Variants in GRIA4 observed in about 807,000 individuals in gnomAD.
GRIA4 encodes the protein glutamate receptor 4.
GRIA4 carries 34 observed loss-of-function variants against 104.0 expected under a neutral mutation model. That is an observed-to-expected ratio of 0.33 (90% CI 0.25 to 0.44). The LOEUF (loss-of-function observed/expected upper bound fraction) is 0.44, where lower values mean the gene tolerates loss of function less well. GRIA4 is among the 20% of genes least tolerant of loss of function. The probability of loss-of-function intolerance (pLI) is 1.00; values close to 1 mark genes in which losing one functional copy is unlikely to be tolerated. For synonymous variants in GRIA4, 386 were observed against 381.9 expected, an observed-to-expected ratio of 1.01 and a Z score of -0.13; for missense variants, 750 against 1,096.5, an observed-to-expected ratio of 0.68 and a Z score of 4.46.
At chr11:105,649,976 A>G (rs1267628336) in intron 3 of GRIA4, among the ~76,000 whole-genome samples, 1 of 152,174 alleles carries the variant, frequency 6.6e-6, no homozygotes, top group Non-Finnish European at 1.5e-5. Flanking sequence ...CTAAGAAAAT[A>G]GCTTTGAGAG....
intron 4 of GRIA4, among the ~76,000 whole-genome samples, chr11:105,832,973 C>T (rs911718878): frequency 2.4e-4 from 37 of 151,980 alleles, no homozygotes; most frequent in African/African-American, 8.5e-4. Flanking sequence ...AAACAGCTCT[C>T]GTTATCTTTT....
chr11:105,935,607 G>A (rs1033320869), intron 14 of GRIA4, among the ~76,000 whole-genome samples: 7 of 152,120 alleles, frequency 4.6e-5, no homozygotes, highest in African/African-American at 1.7e-4. Context: ...AAAATGCAAT[G>A]GTGATTGATA....
At chr11:105,808,576 C>T (rs886591775) in intron 4 of GRIA4, among the ~76,000 whole-genome samples, 1 of 151,978 alleles carries the variant, frequency 6.6e-6, no homozygotes, top group African/African-American at 2.4e-5. Context: ...AATCCTCTTT[C>T]CCAAAAGTTG....
At chr11:105,782,251 C>A (rs979013982) in intron 4 of GRIA4, among the ~76,000 whole-genome samples, 1 of 152,148 alleles carries the variant, frequency 6.6e-6, no homozygotes, top group African/African-American at 2.4e-5. Context: ...TCAGTGTTAA[C>A]TTTTTAATGA....
At chr11:105,916,180 C>A (rs1947399069) in intron 10 of GRIA4, among the ~76,000 whole-genome samples, 2 of 152,106 alleles carry the variant, frequency 1.3e-5, no homozygotes, top group Non-Finnish European at 2.9e-5. Flanking sequence ...CACAGCTAGA[C>A]TGTCTCTCAA....
intron 5 of GRIA4, 196 bp downstream of exon 5, chr11:105,862,404 A>C (rs547918944): frequency 6.8e-5 from 34 of 502,408 alleles, no homozygotes; most frequent in Non-Finnish European, 1.1e-4. Flanking sequence ...TTAAGTCTCA[A>C]TGTATTTAGA....
At chr11:105,802,883 ATAT>A (rs1441291678) in intron 4 of GRIA4, among the ~76,000 whole-genome samples, 4 of 151,800 alleles carry the variant, frequency 2.6e-5, no homozygotes, top group East Asian at 1.9e-4. Flanking sequence ...AATATTATAG[ATAT>A]TATGTAATAT....
intron 3 of GRIA4, among the ~76,000 whole-genome samples, chr11:105,696,249 C>T (rs762949442): frequency 1.3e-5 from 2 of 152,212 alleles, no homozygotes; most frequent in Non-Finnish European, 2.9e-5. Flanking sequence ...CCTTGGCTCA[C>T]ACAGTGGCCC....
chr11:105,977,006 T>C (rs1208139548), intron 16 of GRIA4, among the ~76,000 whole-genome samples: 1 of 152,022 alleles, frequency 6.6e-6, no homozygotes, highest in Non-Finnish European at 1.5e-5. Flanking sequence ...TATATGGAAT[T>C]GTTCAACCTT....
chr11:105,752,837 CTT>C lies in GRIA4; in HGVS notation c.248-143_248-142del, dbSNP rs113919774. 2.5e-5 allele frequency: 18 copies of C among 723,892 alleles called. No individual in the cohort carries two copies. In the African/African-American group the frequency reaches 2.9e-4, roughly 12 times the overall value. 44.8% of individuals were successfully genotyped at this position (723,892 alleles called of 1,614,324 possible). A position where few individuals can be genotyped will look rare whatever the true frequency, so the allele number is the denominator to read the frequency against. ...AATTGATTGTGCAATTAATTGCACA[CTT>C]CACTTATACTCTTTATCTTATACTC... On this transcript the variant is annotated intron_variant, in intron 3 of 16. Transcript: ENST00000282499.
intron 3 of GRIA4, among the ~76,000 whole-genome samples, chr11:105,690,704 GAACTT>G (rs1453155809): frequency 2.0e-5 from 3 of 152,134 alleles, no homozygotes; most frequent in Admixed American, 1.3e-4. Flanking sequence ...CATGCTCTCA[GAACTT>G]TTTAAGAGAA....
intron 3 of GRIA4, among the ~76,000 whole-genome samples, chr11:105,740,309 A>G (rs1939224709): frequency 6.6e-6 from 1 of 152,208 alleles, no homozygotes; most frequent in Admixed American, 6.6e-5. Context: ...GGGGAGGAAG[A>G]TCCACTGCAG....
chr11:105,951,142 G>A (rs746317885), intron 14 of GRIA4, among the ~76,000 whole-genome samples: 27 of 152,142 alleles, frequency 1.8e-4, no homozygotes, highest in Non-Finnish European at 3.7e-4. Flanking sequence ...CAAAGAATGG[G>A]AAAAGTAAAG....
At chr11:105,778,802 T>C (rs1398697888) in intron 4 of GRIA4, among the ~76,000 whole-genome samples, 1 of 101,202 alleles carries the variant, frequency 9.9e-6, no homozygotes, top group Non-Finnish European at 2.2e-5. Flanking sequence ...TTTATTATTA[T>C]ACTTTAAGTT....
At chr11:105,643,828 C>A (rs1318197660) in intron 3 of GRIA4, among the ~76,000 whole-genome samples, 1 of 152,168 alleles carries the variant, frequency 6.6e-6, no homozygotes, top group Admixed American at 6.5e-5. Flanking sequence ...AAGCGATTCT[C>A]CTGCCTAAGC....
At chr11:105,803,388 C>T (rs895065515) in intron 4 of GRIA4, among the ~76,000 whole-genome samples, 1 of 151,756 alleles carries the variant, frequency 6.6e-6, no homozygotes, top group Non-Finnish European at 1.5e-5. Flanking sequence ...TTGATGTTCA[C>T]CTGTATAAAT....
At chr11:105,863,670 GAAGCTTTGTA>G (rs1230980033) in intron 5 of GRIA4, among the ~76,000 whole-genome samples, 1 of 152,074 alleles carries the variant, frequency 6.6e-6, no homozygotes, top group Non-Finnish European at 1.5e-5. Context: ...CTGAACAACT[GAAGCTTTGTA>G]AATAACTCAC....
rs1591461970 is a variant in GRIA4, at chr11:105,933,884, C to T, written c.2209C>T (p.Arg737Ter). 1.9e-6 allele frequency: 3 copies of T among 1,613,072 alleles called. No homozygotes were observed. Among genetic ancestry groups the T allele is most frequent in the Non-Finnish European group, 2.5e-6 (3 of 1,179,314 alleles). The change falls in exon 14 of 17, where the codon CGA (arginine) becomes TGA (stop). Residue 737 changes from arginine (R) to a stop codon, truncating the protein, a stop_gained. Transcript: ENST00000282499. LOFTEE classifies it high-confidence loss of function. ...ESTMNEYIEQ[R>*]KPCDTMKVGG... is the part of the protein sequence containing the mutation. ...CACTATGAATGAATACATTGAGCAG[C>T]GAAAGCCATGTGACACGATGAAAGT...
At chr11:105,674,109 A>G (rs1952461321) in intron 3 of GRIA4, among the ~76,000 whole-genome samples, 1 of 152,058 alleles carries the variant, frequency 6.6e-6, no homozygotes, top group African/African-American at 2.4e-5. Context: ...GAATGTGTAA[A>G]TATATGTGGA....
Sources: allele counts gnomAD v4.1 joint callset (sites outside exome capture counted in the v4.1 genomes callset), GRCh38; gene constraint gnomAD v4.1.1; transcripts MANE v1.5; gene names NCBI Gene and HGNC (gene_info 2026-07-23, HGNC 2026-07-21).